The following ZNF75D variants were observed in gnomAD, a reference collection of about 807,000 sequenced individuals.
ZNF75D encodes zinc finger protein 75D, also known as zinc finger protein 75.
ZNF75D carries 33 observed loss-of-function variants against 33.3 expected under a neutral mutation model. The observed-to-expected ratio is 0.99, with a 90% CI of 0.75 to 1.32. ZNF75D has a LOEUF of 1.32. ZNF75D is among the 40% of genes most tolerant of loss of function. The pLI, the probability that ZNF75D is intolerant of heterozygous loss-of-function variation, is 0.00. For synonymous variants in ZNF75D, 113 were observed against 130.6 expected (o/e 0.87, Z 0.92); for missense variants, 338 against 367.5 (o/e 0.92, Z 0.66).
intron 1 of ZNF75D, among the ~76,000 whole-genome samples, chrX:135,259,657 T>G (rs2083829451): frequency 8.9e-6 from 1 of 112,158 alleles, no homozygotes; most frequent in African/African-American, 3.2e-5. Context: ...TCCTAAGATT[T>G]TGCTGAAGTT....
chrX:135,267,101 G>C (rs782246610), intron 1 of ZNF75D, among the ~76,000 whole-genome samples: 34 of 111,144 alleles, frequency 3.1e-4, no homozygotes, highest in Non-Finnish European at 5.5e-4. Context: ...AAACATATGG[G>C]ATATAGCAAA....
At chrX:135,283,168 T>C (rs1556418825), downstream of ZNF75D, among the ~76,000 whole-genome samples, 1 of 111,678 alleles carries the variant, frequency 9.0e-6, no homozygotes, top group Non-Finnish European at 1.9e-5. Flanking sequence ...AGAGTGATAT[T>C]ATCCCTCTAC....
At chrX:135,317,275 T>A (rs1304991063) in intron 1 of ZNF75D, among the ~76,000 whole-genome samples, 3 of 111,350 alleles carry the variant, frequency 2.7e-5, no homozygotes, top group Non-Finnish European at 5.7e-5. Context: ...TGGCTTATGG[T>A]GAAGTTATTG....
At chrX:135,253,696 T>C (rs2083792558) in intron 2 of ZNF75D, 2 of 244,186 alleles carry the variant, frequency 8.2e-6, no homozygotes, top group Non-Finnish European at 1.4e-5. Flanking sequence ...CAGGGGTGCT[T>C]AGACCCAGGG....
chrX:135,275,425 T>C (rs2083896091), intron 1 of ZNF75D, among the ~76,000 whole-genome samples: 1 of 111,523 alleles, frequency 9.0e-6, no homozygotes, highest in Admixed American at 9.6e-5. Flanking sequence ...GGATGTATGA[T>C]GATATTGGTG....
intron 6 of ZNF75D, among the ~76,000 whole-genome samples, chrX:135,289,629 C>G (rs1295628913): frequency 3.2e-3 from 6 of 1,872 alleles, no homozygotes; most frequent in Admixed American, 0.027. Context: ...CACACACAGA[C>G]ACACACACAC....
intron 1 of ZNF75D, among the ~76,000 whole-genome samples, chrX:135,258,842 C>T (rs891422078): frequency 2.7e-5 from 3 of 111,711 alleles, no homozygotes; most frequent in African/African-American, 6.5e-5. Context: ...CCATTGCTTT[C>T]GATGTTTTAG....
chrX:135,324,287 T>C (rs782089268), intron 1 of ZNF75D, among the ~76,000 whole-genome samples: 6 of 112,185 alleles, frequency 5.3e-5, no homozygotes, highest in Non-Finnish European at 7.5e-5. Flanking sequence ...GCAATGGAAC[T>C]TGGATACACA....
At chrX:135,295,219 C>T (rs2084107920) in intron 2 of ZNF75D, among the ~76,000 whole-genome samples, 1 of 112,062 alleles carries the variant, frequency 8.9e-6, no homozygotes, top group African/African-American at 3.2e-5. Flanking sequence ...TGGCTCCTTG[C>T]TGACCATTCA....
chrX:135,307,688 C>T (rs868912303), intron 1 of ZNF75D, among the ~76,000 whole-genome samples: 1 of 112,068 alleles, frequency 8.9e-6, no homozygotes, highest in Non-Finnish European at 1.9e-5. Flanking sequence ...TGTGGAGTTC[C>T]ACTGCTCTGA....
intron 1 of ZNF75D, chrX:135,298,109 C>A (rs782092162): frequency 5.4e-5 from 6 of 111,821 alleles, no homozygotes; most frequent in Admixed American, 4.7e-4. Context: ...TTGGGGATTA[C>A]AGATTCCACC....
Position 135,342,033 on chromosome X carries a change from C to T in ZNF75D, c.-656G>A, listed in dbSNP as rs1051214700. 2.7e-5 allele frequency: 3 copies of T among 112,223 alleles called. No individual in the cohort carries two copies. Among genetic ancestry groups the T allele is most frequent in the Non-Finnish European group, 5.6e-5 (3 of 53,261 alleles). 9.2% of individuals were successfully genotyped at this position (112,223 alleles called of 1,213,427 possible). ...TACACCTTCGCCATCCTACCTCAGGCGTATTGTATATCAATTTTCAAGCCC... is the reference window on the plus strand; with the variant it reads ...TACACCTTCGCCATCCTACCTCAGGTGTATTGTATATCAATTTTCAAGCCC... On this transcript the variant is annotated 5_prime_UTR_variant, in exon 1 of 7. Coordinates refer to ENST00000370766, the MANE Select transcript of ZNF75D (RefSeq NM_007131.5).
At chrX:135,305,951 C>T (rs1393756999) in intron 1 of ZNF75D, among the ~76,000 whole-genome samples, 1 of 110,928 alleles carries the variant, frequency 9.0e-6, no homozygotes, top group Admixed American at 9.6e-5. Context: ...TTTATTGATC[C>T]ACACCATTTT....
intron 6 of ZNF75D, among the ~76,000 whole-genome samples, chrX:135,289,972 G>A (rs1187608642): frequency 8.0e-5 from 9 of 112,019 alleles, no homozygotes; most frequent in African/African-American, 2.9e-4. Context: ...AGTGAATCAT[G>A]ATAAACAAAA....
rs529385718 is a variant in ZNF75D at position 135,263,208 on chromosome X, G to A, written n.828-7431C>T. ...GAAGCTTCATCCCAGAGGGGTAGAC[G>A]CCTACACGAGGTGTCTGTCGGCCCC... On this transcript the variant is annotated intron_variant and non_coding_transcript_variant, in intron 1 of 3. Transcript: ENST00000494295. Among the ~76,000 whole-genome samples the A allele has an allele frequency of 3.6e-5, 4 of 112,327 alleles. No individual in the cohort carries two copies. The South Asian group carries it at 1.1e-3, about 31-fold the overall frequency.
chrX:135,338,200 C>T (rs1293104652), intron 1 of ZNF75D, among the ~76,000 whole-genome samples: 1 of 111,076 alleles, frequency 9.0e-6, no homozygotes, highest in Non-Finnish European at 1.9e-5. Context: ...CATTCCTTCC[C>T]CTTCCTGTTC....
intron 1 of ZNF75D, among the ~76,000 whole-genome samples, chrX:135,341,010 G>A (rs1207545364): frequency 3.6e-5 from 4 of 111,829 alleles, no homozygotes; most frequent in Non-Finnish European, 7.5e-5. Context: ...AATAAGAATA[G>A]TCTGACTCAC....
At chrX:135,273,725 C>T (rs189123985) in intron 1 of ZNF75D, among the ~76,000 whole-genome samples, 1 of 111,642 alleles carries the variant, frequency 9.0e-6, no homozygotes, top group African/African-American at 3.3e-5. Context: ...CAAGAGGGAT[C>T]CCCTGGGCAA....
chrX:135,326,209 G>C (rs1358854140), intron 1 of ZNF75D, among the ~76,000 whole-genome samples: 1 of 109,988 alleles, frequency 9.1e-6, no homozygotes, highest in Admixed American at 9.6e-5. Context: ...GCTCTGGTGG[G>C]GCCTTGGAGA....
Sources: gnomAD v4.1 joint callset for allele counts (sites outside exome capture counted in the v4.1 genomes callset) on GRCh38, gnomAD v4.1.1 for gene constraint, MANE v1.5 for transcripts, NCBI Gene and HGNC (gene_info 2026-07-23, HGNC 2026-07-21) for gene names.